TLE4: variants seen among roughly 807,000 people sequenced by gnomAD.
The protein encoded by TLE4 is transducin-like enhancer protein 4.
Under a neutral mutation model 92.8 loss-of-function variants are expected in TLE4, and 8 were observed. The ratio of observed to expected loss-of-function variants is 0.09; its 90% CI spans 0.05 to 0.16. TLE4 has a LOEUF of 0.16. Among genes scored for constraint, TLE4 ranks in the 10% least tolerant of loss-of-function variants. The pLI is 1.00. For missense variants in TLE4, 675 were observed against 997.6 expected (o/e 0.68, Z 4.36); for synonymous variants, 371 against 374.1 (o/e 0.99, Z 0.10).
chr9:79,606,184 GTTGTTTTTTTTTTTT>G (rs1187340914), intron 4 of TLE4, among the ~76,000 whole-genome samples: 21 of 18,410 alleles, frequency 1.1e-3, no homozygotes, highest in African/African-American at 1.7e-3. Context: ...AGCAGTAGTA[GTTGTTTTTTTTTTTT>G]TTTTTTTTTT....
At chr9:79,649,842 C>G (rs1260087985) in intron 6 of TLE4, 1 of 1,365,876 alleles carries the variant, frequency 7.3e-7, no homozygotes, top group Non-Finnish European at 9.8e-7. Flanking sequence ...AAAAGTGACA[C>G]ACCTGGATCA....
intron 6 of TLE4, among the ~76,000 whole-genome samples, chr9:79,650,506 C>T (rs891068795): frequency 3.3e-5 from 5 of 152,106 alleles, no homozygotes; most frequent in Admixed American, 6.5e-5. Context: ...AACAAATTTG[C>T]CATATATTTA....
At chr9:79,584,565 C>T (rs1366529946) in intron 4 of TLE4, among the ~76,000 whole-genome samples, 3 of 152,108 alleles carry the variant, frequency 2.0e-5, no homozygotes, top group South Asian at 2.1e-4. Context: ...GCTGTGTACC[C>T]GGTGTTGAGC....
At chr9:79,694,516 A>G (rs958454695) in intron 8 of TLE4, among the ~76,000 whole-genome samples, 1 of 152,134 alleles carries the variant, frequency 6.6e-6, no homozygotes, top group African/African-American at 2.4e-5. Flanking sequence ...CTGTAGAATG[A>G]ACTGAAATTG....
At chr9:79,582,385 T>A (rs1358243584) in intron 4 of TLE4, among the ~76,000 whole-genome samples, 1 of 152,200 alleles carries the variant, frequency 6.6e-6, no homozygotes, top group Admixed American at 6.5e-5. Flanking sequence ...ATATATCACT[T>A]TGATCTGTGT....
At chr9:79,606,206 TTTTTTTTTTTTTTTTTTTTA>T (rs2046881433) in intron 4 of TLE4, among the ~76,000 whole-genome samples, 1 of 124,056 alleles carries the variant, frequency 8.1e-6, no homozygotes, top group Non-Finnish European at 1.8e-5. Context: ...TTTTTTTTTT[TTTTTTTTTTTTTTTTTTTTA>T]ACAAGCACTT....
chr9:79,609,737 A>G (rs1425904665), intron 4 of TLE4, among the ~76,000 whole-genome samples: 1 of 152,086 alleles, frequency 6.6e-6, no homozygotes, highest in African/African-American at 2.4e-5. Flanking sequence ...AAATACCATT[A>G]TAATATCTAG....
chr9:79,638,559 T>A (rs980951393), intron 6 of TLE4, among the ~76,000 whole-genome samples: 2 of 152,024 alleles, frequency 1.3e-5, no homozygotes, highest in Admixed American at 6.6e-5. Flanking sequence ...TTTTTTTTTC[T>A]TGGTAGATTC....
intron 5 of TLE4, among the ~76,000 whole-genome samples, chr9:79,622,811 C>T (rs988179391): frequency 6.6e-6 from 1 of 152,158 alleles, no homozygotes; most frequent in African/African-American, 2.4e-5. Context: ...GCCATTTCCT[C>T]CTAAAACTTC....
intron 6 of TLE4, among the ~76,000 whole-genome samples, chr9:79,631,858 G>T (rs768752051): frequency 2.6e-5 from 4 of 151,374 alleles, no homozygotes; most frequent in Non-Finnish European, 5.9e-5. Flanking sequence ...ATATAAATAT[G>T]TGGGTATATA....
At chr9:79,674,026 C>T (rs2062846005) in intron 8 of TLE4, among the ~76,000 whole-genome samples, 1 of 152,094 alleles carries the variant, frequency 6.6e-6, no homozygotes, top group South Asian at 2.1e-4. Context: ...TTAGTCCTCC[C>T]AGGCTTCAGG....
rs553074810 is a variant in TLE4, at chr9:79,628,910, A to ATATG, written c.390+1466_390+1469dup. 1.0e-3 allele frequency among the ~76,000 whole-genome samples: 144 copies of ATATG among 137,858 alleles called. 4 individuals are homozygous for ATATG. In the South Asian group the frequency reaches 0.027, roughly 26 times the overall value. 90.4% of individuals were successfully genotyped at this position (137,858 alleles called of 152,430 possible). A position where few individuals can be genotyped will look rare whatever the true frequency, so the allele number is the denominator to read the frequency against. On this transcript the variant is annotated intron_variant, in intron 6 of 19. Coordinates refer to ENST00000376552, the MANE Select transcript of TLE4 (RefSeq NM_007005.6). The stretch of plus-strand genomic sequence containing the variant: ...TGTGTGTGTGTGTGTGTGTGTGTGT[A>ATATG]TATGTATAAACCAGCTGTGCTCCAT...
intron 8 of TLE4, among the ~76,000 whole-genome samples, chr9:79,680,579 G>T (rs1019373794): frequency 2.0e-5 from 3 of 152,236 alleles, no homozygotes; most frequent in East Asian, 1.9e-4. Flanking sequence ...CAAACAGGGA[G>T]GATTTGACTT....
chr9:79,612,774 A>C, intron 5 of TLE4, 56 bp downstream of exon 5: 3 of 1,459,468 alleles, frequency 2.1e-6, no homozygotes, highest in Non-Finnish European at 2.9e-6. Flanking sequence ...GTGGTTTTGC[A>C]GAAAAGGGAT....
chr9:79,572,376 TAAAA>T lies in TLE4; in HGVS notation c.-411_-408del, dbSNP rs1383189462. 1.3e-5 allele frequency: 2 copies of T among 151,810 alleles called. No homozygotes were observed. Among genetic ancestry groups the T allele is most frequent in the Admixed American group, 6.6e-5 (1 of 15,246 alleles). The allele number at this position is 151,810 out of a possible 1,614,324, so 9.4% of individuals were successfully genotyped here. On this transcript the variant is annotated 5_prime_UTR_variant, in exon 1 of 20. Coordinates refer to ENST00000376552, the MANE Select transcript of TLE4 (RefSeq NM_007005.6). The stretch of plus-strand genomic sequence containing the variant: ...GAATAACAACCAATTAAAAGACAAA[TAAAA>T]AAAGTTTGGAGTGGGACGCAGAGCG...
chr9:79,703,984 G>A (rs996885281), intron 8 of TLE4, among the ~76,000 whole-genome samples: 1 of 150,774 alleles, frequency 6.6e-6, no homozygotes, highest in African/African-American at 2.4e-5. Flanking sequence ...CTACTTTATA[G>A]TTTTTCTATA....
intron 7 of TLE4, 150 bp downstream of exon 7, chr9:79,652,944 A>G: frequency 1.1e-6 from 1 of 883,294 alleles, no homozygotes; most frequent in Non-Finnish European, 1.9e-6. Context: ...TACTGCAAGT[A>G]GTCAATTGCC....
chr9:79,700,979 C>G (rs1265117423), intron 8 of TLE4, among the ~76,000 whole-genome samples: 1 of 151,634 alleles, frequency 6.6e-6, no homozygotes, highest in Non-Finnish European at 1.5e-5. Flanking sequence ...TGAGAAATAT[C>G]TAAATTGAGC....
chr9:79,664,726 C>G (rs925907181), intron 8 of TLE4, among the ~76,000 whole-genome samples: 2 of 152,198 alleles, frequency 1.3e-5, no homozygotes, highest in African/African-American at 4.8e-5. Flanking sequence ...TTCTTCCCTC[C>G]CTCTTTTCAA....
Sources: gnomAD v4.1 joint callset for allele counts (sites outside exome capture counted in the v4.1 genomes callset) on GRCh38, gnomAD v4.1.1 for gene constraint, MANE v1.5 for transcripts, NCBI Gene and HGNC (gene_info 2026-07-23, HGNC 2026-07-21) for gene names.